TRERF1: variants seen among roughly 807,000 people sequenced by gnomAD.
The protein encoded by TRERF1 is transcriptional-regulating factor 1.
TRERF1 carries 27 observed loss-of-function variants against 122.9 expected under a neutral mutation model. That is an observed-to-expected ratio of 0.22 (90% CI 0.16 to 0.30). The LOEUF (loss-of-function observed/expected upper bound fraction) is 0.30, where lower values mean the gene tolerates loss of function less well. TRERF1 is among the 10% of genes least tolerant of loss of function. The probability of loss-of-function intolerance (pLI) is 1.00; values close to 1 mark genes in which losing one functional copy is unlikely to be tolerated. For synonymous variants in TRERF1, 636 were observed against 641.7 expected (o/e 0.99, Z 0.13); for missense variants, 1,248 against 1,560.3 (o/e 0.80, Z 3.37).
chr6:42,383,313 T>C (rs1049696463), intron 2 of TRERF1, among the ~76,000 whole-genome samples: 3 of 152,184 alleles, frequency 2.0e-5, no homozygotes, highest in Non-Finnish European at 4.4e-5. Context: ...ATCCTATTTC[T>C]CCTGACTTCT....
chr6:42,337,578 C>A (rs923179432), intron 3 of TRERF1, among the ~76,000 whole-genome samples: 1 of 152,162 alleles, frequency 6.6e-6, no homozygotes, highest in Non-Finnish European at 1.5e-5. Flanking sequence ...CACAGACAGG[C>A]ACGCGTAATG....
chr6:42,325,054 A>C (rs1764057355), intron 3 of TRERF1, among the ~76,000 whole-genome samples: 1 of 152,222 alleles, frequency 6.6e-6, no homozygotes, highest in South Asian at 2.1e-4. Context: ...ATAAATCAAC[A>C]AGAAAAAAAA....
chr6:42,352,361 A>G (rs1208417411), intron 3 of TRERF1, among the ~76,000 whole-genome samples: 2 of 152,262 alleles, frequency 1.3e-5, no homozygotes, highest in African/African-American at 4.8e-5. Context: ...CAGAAAAACT[A>G]CTGAAAGGAA....
chr6:42,443,555 T>G (rs1786913001), intron 2 of TRERF1, among the ~76,000 whole-genome samples: 1 of 152,030 alleles, frequency 6.6e-6, no homozygotes. Context: ...TTGGGGTAGG[T>G]TCAAGGTTCT....
chr6:42,430,247 C>T (rs1784289808), intron 2 of TRERF1, among the ~76,000 whole-genome samples: 1 of 152,008 alleles, frequency 6.6e-6, no homozygotes. Flanking sequence ...TCCTGGTAAT[C>T]TCCCTTGATA....
intron 15 of TRERF1, among the ~76,000 whole-genome samples, chr6:42,238,503 C>G (rs1169202540): frequency 2.0e-5 from 3 of 152,096 alleles, no homozygotes; most frequent in African/African-American, 7.2e-5. Context: ...ACATGTAGAA[C>G]TTCGTAACAA....
At chr6:42,354,692 C>T (rs1464797901) in intron 3 of TRERF1, among the ~76,000 whole-genome samples, 1 of 152,080 alleles carries the variant, frequency 6.6e-6, no homozygotes, top group African/African-American at 2.4e-5. Flanking sequence ...CTGAACTATC[C>T]TAGTTCACTA....
At chr6:42,308,722 G>T (rs935403762) in intron 3 of TRERF1, among the ~76,000 whole-genome samples, 1 of 152,106 alleles carries the variant, frequency 6.6e-6, no homozygotes, top group Non-Finnish European at 1.5e-5. Flanking sequence ...CTTATAAGTG[G>T]GAGCTAAATG....
At chr6:42,316,523 A>G (rs1010815264) in intron 3 of TRERF1, among the ~76,000 whole-genome samples, 5 of 152,186 alleles carry the variant, frequency 3.3e-5, no homozygotes, top group African/African-American at 1.2e-4. Context: ...CCACCTTTGC[A>G]AAGATTATGA....
chr6:42,232,785 A>G lies in TRERF1; in HGVS notation c.3174T>C (p.Gly1058=), dbSNP rs760578637. The stretch of plus-strand genomic sequence containing the variant: ...CCGAACAGTACCCACTCTGGGTGCC[A>G]CCAGGCTTCTGCTTCCCAGAGGGGA... Residue 1058 remains glycine, a synonymous_variant, in exon 17 of 18, where the codon GGT becomes GGC. Transcript: ENST00000372922. The surrounding 1 kb of genome is among the most constrained non-coding windows in gnomAD (Gnocchi z 4.5). The G allele has an allele frequency of 6.2e-7, 1 of 1,613,376 alleles. No individual in the cohort carries two copies. The highest frequency in any genetic ancestry group is 2.2e-5 in the East Asian group (1 of 44,862).
At chr6:42,332,144 T>C (rs1344698881) in intron 3 of TRERF1, among the ~76,000 whole-genome samples, 1 of 152,220 alleles carries the variant, frequency 6.6e-6, no homozygotes, top group African/African-American at 2.4e-5. Flanking sequence ...GGTTTCGCCA[T>C]GTTGGCCAGG....
chr6:42,236,310 CG>C lies in TRERF1; in HGVS notation c.2960del (p.Pro987ArgfsTer44). 6.2e-7 allele frequency: 1 copy of C among 1,605,482 alleles called. No homozygotes were observed. Among genetic ancestry groups the C allele is most frequent in the Admixed American group, 1.7e-5 (1 of 58,092 alleles). ...CCAGGACGGGGACGGGTGGTGGCTC[CG>C]GGGACTTCGGCACCTCACTCTCTTC... On this transcript the variant is annotated frameshift_variant, in exon 16 of 18. Transcript: ENST00000372922. LOFTEE classifies it high-confidence loss of function.
chr6:42,432,606 T>C (rs1253265508), intron 2 of TRERF1, among the ~76,000 whole-genome samples: 3 of 151,514 alleles, frequency 2.0e-5, no homozygotes, highest in Non-Finnish European at 4.4e-5. Flanking sequence ...CTCTGGGAGG[T>C]TGAGGTGGGT....
intron 4 of TRERF1, among the ~76,000 whole-genome samples, chr6:42,287,527 G>A (rs1349125293): frequency 1.3e-5 from 2 of 152,046 alleles, no homozygotes; most frequent in Non-Finnish European, 2.9e-5. Context: ...CACAGAGAAT[G>A]GGGGCTACCG....
intron 3 of TRERF1, among the ~76,000 whole-genome samples, chr6:42,330,906 T>C (rs1291519800): frequency 6.6e-6 from 1 of 152,260 alleles, no homozygotes; most frequent in Admixed American, 6.5e-5. Context: ...CTCTAACTCC[T>C]GGGCTCAAGA....
chr6:42,442,450 C>A (rs930767441), intron 2 of TRERF1, among the ~76,000 whole-genome samples: 2 of 152,110 alleles, frequency 1.3e-5, no homozygotes, highest in African/African-American at 4.8e-5. Context: ...GGGCTAGAGG[C>A]CACACCATCT....
At chr6:42,277,905 G>GGAAGAAGGAAGAAGAAGAAGAAGAAGAA (rs1554141678) in intron 4 of TRERF1, among the ~76,000 whole-genome samples, 1 of 85,008 alleles carries the variant, frequency 1.2e-5, no homozygotes, top group African/African-American at 5.1e-5. Flanking sequence ...GAAGGAAGAA[G>GGAAGAAGGAAGAAGAAGAAGAAGAAGAA]GAAGAAGAAG....
chr6:42,268,891 A>C lies in TRERF1; in HGVS notation c.700T>G (p.Tyr234Asp). The C allele has an allele frequency of 1.9e-6, 3 of 1,613,800 alleles. No homozygotes were observed. The highest frequency in any genetic ancestry group is 2.5e-6 in the Non-Finnish European group (3 of 1,179,788). The change falls in exon 5 of 18, where the codon TAT (tyrosine) becomes GAT (aspartate). Residue 234 changes from tyrosine to aspartate, a missense_variant. This residue lies in a region of TRERF1 where 946 missense variants were observed against 1,073.0 expected (regional missense o/e 0.88). Transcript: ENST00000372922. This position sits in a 1 kb window ranked among gnomAD's most constrained non-coding sequence, Gnocchi z 4.4. The stretch of plus-strand genomic sequence containing the variant: ...TGAGCCAGAGGCTGCTGGTAGTCAT[A>C]ATACAGGTGCCCTTGGGTAGGGTGC...
At chr6:42,295,110 G>C (rs566563135) in intron 4 of TRERF1, among the ~76,000 whole-genome samples, 4 of 152,102 alleles carry the variant, frequency 2.6e-5, no homozygotes, top group Non-Finnish European at 5.9e-5. Flanking sequence ...TGGGAGACTG[G>C]GATAACAAAG....
Sources: gnomAD v4.1 joint callset for allele counts (sites outside exome capture counted in the v4.1 genomes callset) on GRCh38, gnomAD v4.1.1 for gene constraint, gnomAD v4.1.1 regional missense constraint, Gnocchi (gnomAD v3.1) non-coding constraint, MANE v1.5 for transcripts, NCBI Gene and HGNC (gene_info 2026-07-23, HGNC 2026-07-21) for gene names.